SCN2A: variants seen among roughly 807,000 people sequenced by gnomAD.
SCN2A encodes the protein sodium voltage-gated channel alpha subunit 2.
Under a neutral mutation model 188.7 loss-of-function variants are expected in SCN2A, and 20 were observed. The ratio of observed to expected loss-of-function variants is 0.11; its 90% CI spans 0.07 to 0.15. The LOEUF (loss-of-function observed/expected upper bound fraction) is 0.15, where lower values mean the gene tolerates loss of function less well. Among genes scored for constraint, SCN2A ranks in the 10% least tolerant of loss-of-function variants. The pLI, the probability that SCN2A is intolerant of heterozygous loss-of-function variation, is 1.00. For missense variants in SCN2A, 1,278 were observed against 2,445.0 expected (o/e 0.52, Z 10.07); for synonymous variants, 804 against 833.1 (o/e 0.97, Z 0.60).
intron 16 of SCN2A, among the ~76,000 whole-genome samples, chr2:165,350,355 G>GCTAATTTGAGACACAAGAAAGAGTT: frequency 6.6e-6 from 1 of 151,750 alleles, no homozygotes; most frequent in Non-Finnish European, 1.5e-5. Context: ...ATTCCAAGAG[G>GCTAATTTGAGACACAAGAAAGAGTT]CTAATTTGAG....
chr2:165,344,738 A>G lies in SCN2A; in HGVS notation c.2746A>G (p.Asn916Asp). 6 of 1,614,140 alleles carry G rather than the reference A, an allele frequency of 3.7e-6. No homozygotes were observed. Among genetic ancestry groups the G allele is most frequent in the Non-Finnish European group, 5.1e-6 (6 of 1,180,016 alleles). ...CAAAGAATGTGTCTGCAAGATTTCC[A>G]ATGATTGTGAACTCCCACGCTGGCA... is the stretch of plus-strand genomic sequence containing the variant. ...SYKECVCKIS[N>D]DCELPRWHMH... is the part of the protein sequence containing the mutation. Residue 916 changes from asparagine (N) to aspartate (D), a missense_variant, in exon 16 of 27, where the codon AAT (asparagine) becomes GAT (aspartate). Coordinates refer to ENST00000375437, the MANE Select transcript of SCN2A (RefSeq NM_001040142.2).
intron 23 of SCN2A, among the ~76,000 whole-genome samples, chr2:165,378,073 T>C (rs1378156309): frequency 1.3e-5 from 2 of 151,748 alleles, no homozygotes; most frequent in African/African-American, 4.8e-5. Context: ...ATAAACAATT[T>C]AGTGTTTCTC....
chr2:165,276,913 T>A (rs914806674), intron 1 of SCN2A, among the ~76,000 whole-genome samples: 1 of 152,156 alleles, frequency 6.6e-6, no homozygotes, highest in Non-Finnish European at 1.5e-5. Flanking sequence ...CGGTGGCTCA[T>A]GCCTATAATC....
In SCN2A at chr2:165,389,728, G is replaced by C; in HGVS notation, c.5922G>C (p.Ser1974=). Residue 1974 remains serine (S), a synonymous_variant, in exon 27 of 27, where the codon TCG becomes TCC. Transcript: ENST00000375437. This position sits in a 1 kb window ranked among gnomAD's most constrained non-coding sequence, Gnocchi z 4.2. ...CGCCTTCCACCACGTCTCCACCCTC[G>C]TATGATAGTGTGACCAAACCAGAAA... ...DMTPSTTSPP[S]YDSVTKPEKE... 6.2e-7 allele frequency: 1 copy of C among 1,613,736 alleles called. No homozygotes were observed.
At chr2:165,320,439 G>GCTGTGCCC (rs1422174799) in intron 11 of SCN2A, 3 of 152,262 alleles carry the variant, frequency 2.0e-5, no homozygotes, top group African/African-American at 7.2e-5. Flanking sequence ...CACAGCTCCA[G>GCTGTGCCC]CAGGCAGTGC....
Position 165,313,567 on chromosome 2 carries a change from A to T in SCN2A, c.1035-53A>T. ...GGCATATATTAAAACAGGAAAACCAATTAGCAGACTTGCCGTTATTGACTT... is the reference window on the plus strand; with the variant it reads ...GGCATATATTAAAACAGGAAAACCATTTAGCAGACTTGCCGTTATTGACTT... On this transcript the variant is annotated intron_variant, in intron 8 of 26. Transcript: ENST00000375437. 3.7e-6 allele frequency: 6 copies of T among 1,607,628 alleles called. No homozygotes were observed. In the South Asian group the frequency reaches 6.6e-5, roughly 18 times the overall value.
At chr2:165,310,823 T>C (rs181622518) in intron 7 of SCN2A, 56 of 263,014 alleles carry the variant, frequency 2.1e-4, no homozygotes, top group African/African-American at 1.1e-3. Flanking sequence ...ATACTCATGT[T>C]GAAAGTAATT....
At chr2:165,273,917 C>T (rs1695213942) in intron 1 of SCN2A, 1 of 151,950 alleles carries the variant, frequency 6.6e-6, no homozygotes, top group Admixed American at 6.6e-5. Flanking sequence ...TTTATCTTCT[C>T]CAGCCTGCTG....
intron 23 of SCN2A, among the ~76,000 whole-genome samples, chr2:165,380,330 T>C (rs1199876365): frequency 1.4e-5 from 2 of 147,034 alleles, no homozygotes; most frequent in Non-Finnish European, 1.5e-5. Flanking sequence ...GGAAAGTGCA[T>C]TCATAATCTG....
chr2:165,259,931 A>ATTTTTT lies in SCN2A; in HGVS notation c.-52+20311_-52+20316dup, dbSNP rs140137535. Among the ~76,000 whole-genome samples, 131 of 89,462 alleles carry ATTTTTT rather than the reference A, an allele frequency of 1.5e-3. 5 individuals are homozygous for ATTTTTT. Among genetic ancestry groups the ATTTTTT allele is most frequent in the African/African-American group, 5.8e-3 (125 of 21,542 alleles). The allele number at this position is 89,462 out of a possible 152,430, so 58.7% of individuals were successfully genotyped here. A position where few individuals can be genotyped will look rare whatever the true frequency, so the allele number is the denominator to read the frequency against. ...ATGGCACCTGTAGCCCTAAAAATGG[A>ATTTTTT]TTTTTTTTTTTTTTTTTTTTTTTTT... is the stretch of plus-strand genomic sequence containing the variant. On this transcript the variant is annotated intron_variant, in intron 1 of 26. Transcript: ENST00000375437.
At chr2:165,254,332 G>A (rs1694225493) in intron 1 of SCN2A, among the ~76,000 whole-genome samples, 2 of 151,714 alleles carry the variant, frequency 1.3e-5, no homozygotes, top group East Asian at 3.9e-4. Flanking sequence ...TTAAGTAGTT[G>A]TATGTTTTAT....
At chr2:165,308,163 CT>C (rs1256502141) in intron 4 of SCN2A, among the ~76,000 whole-genome samples, 2 of 152,060 alleles carry the variant, frequency 1.3e-5, no homozygotes, top group African/African-American at 2.4e-5. Flanking sequence ...ATCTGCAGCC[CT>C]TTATCTTCTT....
rs1044773891 is a variant in SCN2A at position 165,293,852 on chromosome 2, G to A, written c.-51-1921G>A. 3 of 984,850 alleles carry A rather than the reference G, an allele frequency of 3.0e-6. No homozygotes were observed. In the African/African-American group the frequency reaches 5.3e-5, roughly 17 times the overall value. The allele number at this position is 984,850 out of a possible 1,614,324, so 61.0% of individuals were successfully genotyped here. ...TTTGGGCTGCTTCAGACATATGTCT[G>A]TGTGTACGCTGTGAAGGTGTTTCTC... On this transcript the variant is annotated intron_variant, in intron 1 of 26. Transcript: ENST00000375437.
intron 2 of SCN2A, 95 bp from the exon 3 acceptor site, chr2:165,296,922 G>T (rs1696542475): frequency 1.4e-6 from 1 of 716,872 alleles, no homozygotes; most frequent in Non-Finnish European, 2.5e-6. Flanking sequence ...CTATTTTACA[G>T]GGCAATATTT....
intron 17 of SCN2A, among the ~76,000 whole-genome samples, chr2:165,358,460 G>T (rs1700289011): frequency 6.6e-6 from 1 of 151,980 alleles, no homozygotes; most frequent in African/African-American, 2.4e-5. Flanking sequence ...AGGGAAAATG[G>T]CACTGCTTTA....
intron 1 of SCN2A, among the ~76,000 whole-genome samples, chr2:165,247,301 G>A (rs1403125138): frequency 6.6e-6 from 1 of 150,670 alleles, no homozygotes; most frequent in Admixed American, 6.6e-5. Flanking sequence ...ATTTTTTGTT[G>A]TCTTTGCAAT....
intron 14 of SCN2A, among the ~76,000 whole-genome samples, chr2:165,341,294 C>T (rs1469438380): frequency 6.6e-6 from 1 of 151,790 alleles, no homozygotes; most frequent in East Asian, 1.9e-4. Flanking sequence ...GAGGTTTCAC[C>T]GTGTTAGCCA....
Position 165,310,366 on chromosome 2 carries a change from G to A in SCN2A, c.741G>A (p.Lys247=). Residue 247 remains lysine, a synonymous_variant, in exon 7 of 27, where the codon AAG becomes AAA. Coordinates refer to ENST00000375437, the MANE Select transcript of SCN2A (RefSeq NM_001040142.2). The stretch of plus-strand genomic sequence containing the variant: ...GGGCCCTGATCCAGTCAGTGAAGAA[G>A]CTTTCTGATGTCATGATCTTGACTG... The part of the protein sequence containing the change: ...IVGALIQSVK[K]LSDVMILTVF... 6.2e-7 allele frequency: 1 copy of A among 1,613,610 alleles called. No homozygotes were observed. Among genetic ancestry groups the A allele is most frequent in the Non-Finnish European group, 8.5e-7 (1 of 1,179,628 alleles).
intron 14 of SCN2A, among the ~76,000 whole-genome samples, chr2:165,333,599 G>A (rs1000506627): frequency 2.6e-5 from 4 of 151,712 alleles, no homozygotes; most frequent in African/African-American, 7.2e-5. Context: ...ACTTTAGGAT[G>A]ACTGAAAATC....
Sources: gnomAD v4.1 joint callset for allele counts (sites outside exome capture counted in the v4.1 genomes callset) on GRCh38, gnomAD v4.1.1 for gene constraint, Gnocchi (gnomAD v3.1) non-coding constraint, MANE v1.5 for transcripts, NCBI Gene and HGNC (gene_info 2026-07-23, HGNC 2026-07-21) for gene names.